The following GPC3 variants were observed in gnomAD, a reference collection of about 807,000 sequenced individuals.
The protein encoded by GPC3 is glypican-3.
A neutral mutation model predicts 34.4 loss-of-function variants in GPC3; 3 were observed. That is an observed-to-expected ratio of 0.09 (90% CI 0.04 to 0.23). The LOEUF (loss-of-function observed/expected upper bound fraction) is 0.23, where lower values mean the gene tolerates loss of function less well. GPC3 is among the 10% of genes least tolerant of loss of function. The probability of loss-of-function intolerance (pLI) is 1.00; values close to 1 mark genes in which losing one functional copy is unlikely to be tolerated. For missense variants in GPC3, 351 were observed against 445.6 expected (o/e 0.79, Z 1.91); for synonymous variants, 177 against 174.0 (o/e 1.02, Z -0.13).
chrX:133,935,642 G>A (rs184615872), intron 2 of GPC3, among the ~76,000 whole-genome samples: 6 of 111,023 alleles, frequency 5.4e-5, no homozygotes, highest in Non-Finnish European at 7.5e-5. Context: ...AAAATCATTC[G>A]TTTTTCAGTT....
chrX:133,943,682 G>C (rs1409879894), intron 2 of GPC3, among the ~76,000 whole-genome samples: 1 of 112,167 alleles, frequency 8.9e-6, no homozygotes, highest in East Asian at 2.8e-4. Context: ...AGGGTGGTAG[G>C]ACACACAAGA....
At chrX:133,966,211 G>A (rs2076462773) in intron 1 of GPC3, among the ~76,000 whole-genome samples, 1 of 112,137 alleles carries the variant, frequency 8.9e-6, no homozygotes, top group Non-Finnish European at 1.9e-5. Context: ...CATTTCTTTT[G>A]TTATGCTTAC....
intron 3 of GPC3, among the ~76,000 whole-genome samples, chrX:133,733,074 T>C (rs1361438091): frequency 9.0e-6 from 1 of 110,720 alleles, no homozygotes; most frequent in African/African-American, 3.3e-5. Context: ...GTTGCCCAGG[T>C]TGGTCTCAAC....
At chrX:133,724,806 CT>C (rs2071394934) in intron 3 of GPC3, among the ~76,000 whole-genome samples, 2 of 112,362 alleles carry the variant, frequency 1.8e-5, no homozygotes, top group South Asian at 7.5e-4. Context: ...TCCTATCACC[CT>C]GCCATTTTGT....
chrX:133,579,625 C>T (rs1603172248), intron 7 of GPC3, among the ~76,000 whole-genome samples: 1 of 111,643 alleles, frequency 9.0e-6, no homozygotes, highest in East Asian at 2.8e-4. Flanking sequence ...CTCACTGCAC[C>T]CTTAACCTCC....
chrX:133,583,427 C>T (rs1296711029), intron 7 of GPC3, among the ~76,000 whole-genome samples: 6 of 111,491 alleles, frequency 5.4e-5, no homozygotes, highest in South Asian at 3.9e-4. Context: ...TGAAGTGGTG[C>T]GATCTCAGCT....
chrX:133,807,463 T>G (rs5977915), intron 2 of GPC3, among the ~76,000 whole-genome samples: 5,205 of 111,764 alleles, frequency 0.047, 313 homozygotes, highest in African/African-American at 0.16. Flanking sequence ...ACAAATGGAC[T>G]AAGACACCAG....
At chrX:133,538,935 G>A (rs1230332630) in intron 7 of GPC3, among the ~76,000 whole-genome samples, 1 of 98,823 alleles carries the variant, frequency 1.0e-5, no homozygotes, top group Non-Finnish European at 2.0e-5. Flanking sequence ...TGCCCAGGCT[G>A]GTCTCAAACT....
chrX:133,546,138 C>T (rs908639174), intron 7 of GPC3, among the ~76,000 whole-genome samples: 2 of 111,506 alleles, frequency 1.8e-5, no homozygotes, highest in South Asian at 3.8e-4. Context: ...TTTTTAGTTG[C>T]ACCACACACA....
intron 2 of GPC3, among the ~76,000 whole-genome samples, chrX:133,896,827 A>G (rs1402875731): frequency 9.0e-6 from 1 of 110,747 alleles, no homozygotes; most frequent in African/African-American, 3.3e-5. Context: ...CTCTGTTCAT[A>G]GAGAACACCT....
chrX:133,719,131 G>A (rs1012753663), intron 3 of GPC3, among the ~76,000 whole-genome samples: 3 of 110,587 alleles, frequency 2.7e-5, no homozygotes, highest in Admixed American at 9.7e-5. Flanking sequence ...ATACAACAGT[G>A]GTAAAACACA....
At chrX:133,904,657 A>G (rs2076160233) in intron 2 of GPC3, among the ~76,000 whole-genome samples, 1 of 111,943 alleles carries the variant, frequency 8.9e-6, no homozygotes, top group Non-Finnish European at 1.9e-5. Context: ...TAAAATGTTG[A>G]TGAGAAGGCA....
At chrX:133,724,562 C>T (rs770409641) in intron 3 of GPC3, among the ~76,000 whole-genome samples, 1 of 111,473 alleles carries the variant, frequency 9.0e-6, no homozygotes, top group East Asian at 2.8e-4. Flanking sequence ...TCTGGGACAC[C>T]GAATTTGGGA....
intron 6 of GPC3, among the ~76,000 whole-genome samples, chrX:133,615,075 G>A (rs1184093326): frequency 8.9e-6 from 1 of 112,099 alleles, no homozygotes. Flanking sequence ...GCAAAGAAAT[G>A]CCCAGGAACA....
At chrX:133,687,251 T>C (rs1224608396) in intron 5 of GPC3, among the ~76,000 whole-genome samples, 3 of 106,169 alleles carry the variant, frequency 2.8e-5, no homozygotes, top group Non-Finnish European at 5.8e-5. Context: ...AGAGATGGCT[T>C]GATTTTCTTT....
chrX:133,796,079 G>T (rs901648732), intron 2 of GPC3, among the ~76,000 whole-genome samples: 1 of 107,892 alleles, frequency 9.3e-6, no homozygotes, highest in African/African-American at 3.4e-5. Context: ...CCGAGTAGCT[G>T]GGACTACAGG....
chrX:133,858,360 A>T (rs1047894580), intron 2 of GPC3, among the ~76,000 whole-genome samples: 1 of 112,034 alleles, frequency 8.9e-6, no homozygotes, highest in Non-Finnish European at 1.9e-5. Flanking sequence ...TGTCAAAGGT[A>T]CTTTCTGTGG....
intron 4 of GPC3, among the ~76,000 whole-genome samples, chrX:133,694,164 T>C (rs2071091681): frequency 1.8e-5 from 2 of 110,514 alleles, no homozygotes; most frequent in African/African-American, 3.3e-5. Context: ...ACAATTACCA[T>C]AAAACTCTTC....
At chrX:133,747,850 A>T (rs1352618138) in intron 3 of GPC3, among the ~76,000 whole-genome samples, 3 of 112,302 alleles carry the variant, frequency 2.7e-5, no homozygotes, top group African/African-American at 6.5e-5. Context: ...AAAGAAAGGG[A>T]GAAGTAATGG....
Sources: gnomAD v4.1 joint callset for allele counts (sites outside exome capture counted in the v4.1 genomes callset) on GRCh38, gnomAD v4.1.1 for gene constraint, MANE v1.5 for transcripts, NCBI Gene and HGNC (gene_info 2026-07-23, HGNC 2026-07-21) for gene names.